CNTN5: variants seen among roughly 807,000 people sequenced by gnomAD.
CNTN5 encodes contactin 5, also known as contactin-5.
In CNTN5, 77 loss-of-function variants were observed where a neutral mutation model predicts 129.1. The observed-to-expected ratio is 0.60, with a 90% CI of 0.50 to 0.72. The LOEUF (loss-of-function observed/expected upper bound fraction) is 0.72. Among genes scored for constraint, CNTN5 ranks in the 30% least tolerant of loss-of-function variants. CNTN5 has a pLI of 0.00. For missense variants in CNTN5, 1,478 were observed against 1,328.8 expected, an observed-to-expected ratio of 1.11 and a Z score of -1.75; for synonymous variants, 509 against 465.6, an observed-to-expected ratio of 1.09 and a Z score of -1.20.
At chr11:99,183,656 T>A (rs1858195771) in intron 1 of CNTN5, among the ~76,000 whole-genome samples, 1 of 152,114 alleles carries the variant, frequency 6.6e-6, no homozygotes, top group Admixed American at 6.6e-5. Context: ...TATCCTCGGT[T>A]TTCTTCTCTT....
chr11:100,299,346 A>G lies in CNTN5; in HGVS notation c.2570A>G (p.Lys857Arg). Residue 857 changes from lysine to arginine, a missense_variant, in exon 20 of 25, where the codon AAA becomes AGA. Coordinates refer to ENST00000524871, the MANE Select transcript of CNTN5 (RefSeq NM_014361.4). ...GTGAAAGTTGGCGTTTATAACAATA[A>G]AGGAGATGGGCCTTTTAGTCAAATT... ...FEVKVGVYNN[K>R]GDGPFSQIVV... is the part of the protein sequence containing the mutation. 1 of 1,610,242 alleles carries G rather than the reference A, an allele frequency of 6.2e-7. No individual in the cohort carries two copies.
At chr11:99,253,379 A>G (rs1425909386) in intron 1 of CNTN5, among the ~76,000 whole-genome samples, 2 of 152,084 alleles carry the variant, frequency 1.3e-5, no homozygotes, top group African/African-American at 2.4e-5. Flanking sequence ...GCAGCATGGG[A>G]ACAGACTAAT....
intron 1 of CNTN5, among the ~76,000 whole-genome samples, chr11:99,196,261 T>C (rs558624697): frequency 1.8e-4 from 27 of 152,134 alleles, no homozygotes; most frequent in African/African-American, 6.0e-4. Flanking sequence ...ATTTGCCACA[T>C]GCATGGCACA....
chr11:99,615,606 T>C (rs988147836), intron 3 of CNTN5, among the ~76,000 whole-genome samples: 5 of 152,158 alleles, frequency 3.3e-5, no homozygotes, highest in Admixed American at 1.3e-4. Flanking sequence ...CACAGGAAGT[T>C]GCCAAGAATA....
intron 2 of CNTN5, among the ~76,000 whole-genome samples, chr11:99,455,016 C>T (rs1177800053): frequency 6.6e-6 from 1 of 152,028 alleles, no homozygotes; most frequent in African/African-American, 2.4e-5. Context: ...AGAATCTAAA[C>T]CTTGGCAAGG....
intron 2 of CNTN5, among the ~76,000 whole-genome samples, chr11:99,362,892 A>G (rs1939208212): frequency 6.9e-6 from 1 of 145,972 alleles, no homozygotes; most frequent in African/African-American, 2.5e-5. Context: ...TGTACTTAGG[A>G]CAGTGCCACA....
rs1156607508 is a variant in CNTN5, at chr11:99,622,763, TAC to T, written c.55+66498_55+66499del. Among the ~76,000 whole-genome samples the T allele has an allele frequency of 2.0e-5, 3 of 152,072 alleles. No homozygotes were observed. The East Asian group carries it at 5.8e-4, about 29-fold the overall frequency. On this transcript the variant is annotated intron_variant, in intron 3 of 24. Coordinates refer to ENST00000524871, the MANE Select transcript of CNTN5 (RefSeq NM_014361.4). ...AAAGGCCCGTTCCCTGGAAAGGTTA[TAC>T]ACATGACTTTTGCTAACTTGTTAAT...
At chr11:99,103,446 T>A (rs962093) in intron 1 of CNTN5, among the ~76,000 whole-genome samples, 1 of 152,220 alleles carries the variant, frequency 6.6e-6, no homozygotes, top group Non-Finnish European at 1.5e-5. Context: ...ATTATTTTCA[T>A]CCTTTAAAAT....
Position 99,521,836 on chromosome 11 carries a change from A to G in CNTN5, c.-70-34309A>G, listed in dbSNP as rs958089969. ...TAACAGTTGTTTTAGAACAAAATTC[A>G]TTCAAACATGTTTCTCTATTAATTA... is the stretch of plus-strand genomic sequence containing the variant. On this transcript the variant is annotated intron_variant, in intron 2 of 24. Coordinates refer to ENST00000524871, the MANE Select transcript of CNTN5 (RefSeq NM_014361.4). 5.3e-5 allele frequency among the ~76,000 whole-genome samples: 8 copies of G among 152,210 alleles called. No individual in the cohort carries two copies. The East Asian group carries it at 1.5e-3, about 29-fold the overall frequency.
chr11:99,808,897 C>T (rs1408126938), intron 3 of CNTN5, among the ~76,000 whole-genome samples: 1 of 152,070 alleles, frequency 6.6e-6, no homozygotes, highest in African/African-American at 2.4e-5. Flanking sequence ...CACAGTGAGC[C>T]TGTGATCACT....
chr11:99,948,018 A>C (rs1950590457), intron 7 of CNTN5, among the ~76,000 whole-genome samples: 1 of 152,212 alleles, frequency 6.6e-6, no homozygotes, highest in Non-Finnish European at 1.5e-5. Flanking sequence ...TTTACTAAGT[A>C]AAACACAGGA....
chr11:99,828,930 C>G (rs893781281), intron 4 of CNTN5, among the ~76,000 whole-genome samples: 47 of 152,194 alleles, frequency 3.1e-4, no homozygotes, highest in African/African-American at 1.1e-3. Context: ...TTGCTATATT[C>G]TATTTCCAGC....
At chr11:99,981,292 A>G (rs1938333903) in intron 8 of CNTN5, among the ~76,000 whole-genome samples, 1 of 151,952 alleles carries the variant, frequency 6.6e-6, no homozygotes, top group African/African-American at 2.4e-5. Context: ...GTCTGAGACC[A>G]CAGGCCTGAT....
rs143401239 is a variant in CNTN5, at chr11:99,190,797, T to C, written c.-209-134549T>C. On this transcript the variant is annotated intron_variant, in intron 1 of 24. Coordinates refer to ENST00000524871, the MANE Select transcript of CNTN5 (RefSeq NM_014361.4). Reference sequence around the variant, plus strand: ...TTTTTTTGGTTTTTGGTGGAGTCTTTAGGGATTTCTATATATTATATCATG... The same window carrying C: ...TTTTTTTGGTTTTTGGTGGAGTCTTCAGGGATTTCTATATATTATATCATG... 1.5e-4 allele frequency among the ~76,000 whole-genome samples: 23 copies of C among 151,742 alleles called. No individual in the cohort carries two copies. The East Asian group carries it at 3.9e-3, about 25-fold the overall frequency.
At chr11:99,709,805 T>C (rs1456389350) in intron 3 of CNTN5, among the ~76,000 whole-genome samples, 2 of 151,832 alleles carry the variant, frequency 1.3e-5, no homozygotes, top group Non-Finnish European at 2.9e-5. Flanking sequence ...ATTGAGGTAA[T>C]TCAAGCCATT....
chr11:99,733,913 C>T (rs1038076937), intron 3 of CNTN5, among the ~76,000 whole-genome samples: 1 of 152,170 alleles, frequency 6.6e-6, no homozygotes, highest in Non-Finnish European at 1.5e-5. Context: ...CCAGTTCACC[C>T]AGGAGAAGGG....
intron 1 of CNTN5, among the ~76,000 whole-genome samples, chr11:99,206,328 G>C (rs571596491): frequency 6.6e-6 from 1 of 152,154 alleles, no homozygotes. Flanking sequence ...TAGGCTGTGA[G>C]GCAACCCCCA....
At position 100,217,876 on chromosome 11, in the gene CNTN5, A is replaced by T. The variant is rs1949176075; in HGVS notation, c.1885-6816A>T. ...CTCATAACTTTAATGATGTGAGTTT[A>T]AATACTACTCCTGCCTAGAATTCTC... On this transcript the variant is annotated intron_variant, in intron 15 of 24. Coordinates refer to ENST00000524871, the MANE Select transcript of CNTN5 (RefSeq NM_014361.4). Among the ~76,000 whole-genome samples, 3 of 152,184 alleles carry T rather than the reference A, an allele frequency of 2.0e-5. No individual in the cohort carries two copies. In the South Asian group the frequency reaches 6.2e-4, roughly 32 times the overall value.
chr11:99,327,746 A>G (rs1865843170), intron 2 of CNTN5, among the ~76,000 whole-genome samples: 1 of 152,202 alleles, frequency 6.6e-6, no homozygotes. Context: ...ACAACTGAAA[A>G]CATTCAGCGG....
Sources: gnomAD v4.1 joint callset for allele counts (sites outside exome capture counted in the v4.1 genomes callset) on GRCh38, gnomAD v4.1.1 for gene constraint, MANE v1.5 for transcripts, NCBI Gene and HGNC (gene_info 2026-07-23, HGNC 2026-07-21) for gene names.